The following GIGYF2 variants were observed in gnomAD, a reference collection of about 807,000 sequenced individuals.
GIGYF2 encodes GRB10-interacting GYF protein 2.
A neutral mutation model predicts 208.1 loss-of-function variants in GIGYF2; 25 were observed. That is an observed-to-expected ratio of 0.12 (90% CI 0.09 to 0.17). The LOEUF is 0.17. Ranked by LOEUF, GIGYF2 falls within the 10% of genes least tolerant of loss-of-function variation. The pLI, the probability that GIGYF2 is intolerant of heterozygous loss-of-function variation, is 1.00. For missense variants in GIGYF2, 1,302 were observed against 1,579.4 expected (o/e 0.82, Z 2.98); for synonymous variants, 534 against 543.8 (o/e 0.98, Z 0.25).
chr2:232,777,345 T>C (rs557961600), intron 8 of GIGYF2, among the ~76,000 whole-genome samples: 50 of 152,336 alleles, frequency 3.3e-4, no homozygotes, highest in Admixed American at 1.2e-3. Flanking sequence ...AAATAGTGTT[T>C]AGCTGGAAAA....
intron 14 of GIGYF2, among the ~76,000 whole-genome samples, chr2:232,805,403 A>G (rs1221042065): frequency 3.3e-5 from 5 of 152,100 alleles, no homozygotes; most frequent in African/African-American, 1.2e-4. Flanking sequence ...ACATATTACA[A>G]TTCCTGCATC....
At chr2:232,803,674 C>CTTTTTTTTTTTTTTTTTTTTTTTT (rs768507929) in intron 14 of GIGYF2, among the ~76,000 whole-genome samples, 1 of 49,928 alleles carries the variant, frequency 2.0e-5, no homozygotes, top group African/African-American at 1.3e-4. Context: ...ATTTCTGCTT[C>CTTTTTTTTTTTTTTTTTTTTTTTT]TTTTTTTTTT....
chr2:232,763,506 AC>A, intron 8 of GIGYF2, among the ~76,000 whole-genome samples: 1 of 152,152 alleles, frequency 6.6e-6, no homozygotes, highest in East Asian at 1.9e-4. Flanking sequence ...ATAAAATAGA[AC>A]AATTATAACA....
intron 6 of GIGYF2, chr2:232,760,099 C>G (rs1216950976): frequency 5.7e-6 from 1 of 174,022 alleles, no homozygotes; most frequent in East Asian, 1.6e-4. Context: ...CTTAAACTCT[C>G]TAAACCAAGA....
chr2:232,815,821 G>A (rs1459024285), intron 19 of GIGYF2, 84 bp downstream of exon 19: 4 of 763,390 alleles, frequency 5.2e-6, no homozygotes, highest in African/African-American at 1.7e-5. Flanking sequence ...TCTCTAGCTA[G>A]CTATGCTTTT....
intron 2 of GIGYF2, among the ~76,000 whole-genome samples, chr2:232,715,865 A>C (rs1354045327): frequency 1.3e-5 from 2 of 151,280 alleles, no homozygotes; most frequent in African/African-American, 4.9e-5. Context: ...AACCAAGTTA[A>C]AGTTGAAATG....
chr2:232,738,895 C>T (rs1337851638), intron 3 of GIGYF2, among the ~76,000 whole-genome samples: 5 of 152,134 alleles, frequency 3.3e-5, no homozygotes. Context: ...ATTGTCATCT[C>T]CTGTGTGTTT....
chr2:232,813,002 GAA>G (rs796832468), intron 18 of GIGYF2, among the ~76,000 whole-genome samples: 1 of 126,860 alleles, frequency 7.9e-6, no homozygotes, highest in Non-Finnish European at 1.7e-5. Flanking sequence ...CTCTAAGAAA[GAA>G]AAAAAAAAAA....
chr2:232,763,038 G>A (rs146152680), intron 8 of GIGYF2, among the ~76,000 whole-genome samples: 17 of 152,120 alleles, frequency 1.1e-4, no homozygotes, highest in Middle Eastern at 3.4e-3. Flanking sequence ...AAAATTAAAG[G>A]TGTGTAGCAT....
chr2:232,805,586 G>A (rs749761774), intron 14 of GIGYF2, among the ~76,000 whole-genome samples: 1 of 152,032 alleles, frequency 6.6e-6, no homozygotes, highest in South Asian at 2.1e-4. Flanking sequence ...TGACTTTCTT[G>A]TAGATAGCAT....
At chr2:232,782,225 T>G (rs143990891) in intron 8 of GIGYF2, among the ~76,000 whole-genome samples, 2,634 of 152,268 alleles carry the variant, frequency 0.017, 39 homozygotes, top group Non-Finnish European at 0.025. Context: ...TTTTTACATT[T>G]TAAAAATTAT....
At chr2:232,813,749 T>G (rs1181886852) in intron 18 of GIGYF2, among the ~76,000 whole-genome samples, 1 of 152,178 alleles carries the variant, frequency 6.6e-6, no homozygotes, top group Non-Finnish European at 1.5e-5. Context: ...GTACCTTATT[T>G]TTTCTTGATA....
chr2:232,804,597 T>C (rs2106378286), intron 14 of GIGYF2, among the ~76,000 whole-genome samples: 1 of 152,186 alleles, frequency 6.6e-6, no homozygotes, highest in African/African-American at 2.4e-5. Context: ...GTCCAAGCGA[T>C]TCTCCTGCCT....
chr2:232,836,336 A>C lies in GIGYF2; in HGVS notation c.2766+3243A>C, dbSNP rs369860388. Among the ~76,000 whole-genome samples the C allele has an allele frequency of 3.5e-4, 15 of 42,872 alleles. 3 individuals carry two copies. Among genetic ancestry groups the C allele is most frequent in the Non-Finnish European group, 6.2e-4 (15 of 24,006 alleles). The allele number at this position is 42,872 out of a possible 152,430, so 28.1% of individuals were successfully genotyped here. A position where few individuals can be genotyped will look rare whatever the true frequency, so the allele number is the denominator to read the frequency against. ...TATATATATATATATATATACATATATATACTTATATATTTATATATATAA... is the reference window on the plus strand; with the variant it reads ...TATATATATATATATATATACATATCTATACTTATATATTTATATATATAA... On this transcript the variant is annotated intron_variant, in intron 22 of 28. Coordinates refer to ENST00000373563, the MANE Select transcript of GIGYF2 (RefSeq NM_001103146.3).
intron 22 of GIGYF2, among the ~76,000 whole-genome samples, chr2:232,833,870 G>C (rs1701499342): frequency 6.6e-6 from 1 of 151,898 alleles, no homozygotes; most frequent in Non-Finnish European, 1.5e-5. Context: ...GTTTTAAAGA[G>C]GATTCAAAAC....
chr2:232,738,847 A>T (rs1474295685), intron 3 of GIGYF2, among the ~76,000 whole-genome samples: 1 of 152,228 alleles, frequency 6.6e-6, no homozygotes, highest in African/African-American at 2.4e-5. Flanking sequence ...TGGATGATAT[A>T]TGGACAGTTT....
chr2:232,813,881 A>ATTTTTT (rs397871962), intron 18 of GIGYF2, among the ~76,000 whole-genome samples: 2 of 73,532 alleles, frequency 2.7e-5, no homozygotes, highest in Admixed American at 3.3e-4. Context: ...TCACAAGTGG[A>ATTTTTT]TTTTTTTTTT....
At chr2:232,723,432 C>CT (rs371379851) in intron 2 of GIGYF2, among the ~76,000 whole-genome samples, 19,145 of 135,012 alleles carry the variant, frequency 0.14, 1,588 homozygotes, top group South Asian at 0.3. Context: ...CTTTTCTTTT[C>CT]TTTTTTTTTT....
chr2:232,846,504 T>TTA (rs1445047737), intron 26 of GIGYF2, among the ~76,000 whole-genome samples: 20 of 152,344 alleles, frequency 1.3e-4, no homozygotes, highest in Admixed American at 1.1e-3. Flanking sequence ...CTGAATTGAA[T>TTA]TAATCCACCT....
Sources: allele counts gnomAD v4.1 joint callset (sites outside exome capture counted in the v4.1 genomes callset), GRCh38; gene constraint gnomAD v4.1.1; transcripts MANE v1.5; gene names NCBI Gene and HGNC (gene_info 2026-07-23, HGNC 2026-07-21).